Variants in SPOCK1 observed in about 807,000 individuals in gnomAD.
SPOCK1 encodes the protein testican-1.
Under a neutral mutation model 55.3 loss-of-function variants are expected in SPOCK1, and 23 were observed. The ratio of observed to expected loss-of-function variants is 0.42; its 90% CI spans 0.30 to 0.59. The LOEUF is 0.59. Ranked by LOEUF, SPOCK1 falls within the 20% of genes least tolerant of loss-of-function variation. The pLI is 0.22. For synonymous variants in SPOCK1, 226 were observed against 221.0 expected (o/e 1.02, Z -0.20); for missense variants, 499 against 552.5 (o/e 0.90, Z 0.97).
intron 2 of SPOCK1, among the ~76,000 whole-genome samples, chr5:137,421,526 G>T (rs1173489624): frequency 6.6e-6 from 1 of 152,168 alleles, no homozygotes; most frequent in African/African-American, 2.4e-5. Context: ...TCTTCTTGTT[G>T]AATTGATCCC....
intron 2 of SPOCK1, among the ~76,000 whole-genome samples, chr5:137,363,481 A>G (rs1750992910): frequency 6.6e-6 from 1 of 152,198 alleles, no homozygotes; most frequent in Non-Finnish European, 1.5e-5. Flanking sequence ...TTGATGGTTA[A>G]GGGCATAGAA....
At position 137,204,927 on chromosome 5, in the gene SPOCK1, G is replaced by A. The variant is rs151205000; in HGVS notation, c.232+62083C>T. Among the ~76,000 whole-genome samples the A allele has an allele frequency of 5.1e-3, 775 of 152,264 alleles. 2 individuals carry two copies. The highest frequency in any genetic ancestry group is 7.4e-3 in the Non-Finnish European group (506 of 68,024). Reference sequence around the variant, plus strand: ...CATGTGCAAGTTGTTTCGTCTGCATGAAAGGCCAACTCCACCACCCTTTGC... The same window carrying A: ...CATGTGCAAGTTGTTTCGTCTGCATAAAAGGCCAACTCCACCACCCTTTGC... On this transcript the variant is annotated intron_variant, in intron 3 of 10. Coordinates refer to ENST00000394945, the MANE Select transcript of SPOCK1 (RefSeq NM_004598.4).
At chr5:137,419,640 CA>C (rs1202473114) in intron 2 of SPOCK1, among the ~76,000 whole-genome samples, 1 of 152,160 alleles carries the variant, frequency 6.6e-6, no homozygotes, top group African/African-American at 2.4e-5. Context: ...GTGATTTTTG[CA>C]GACTGATTTT....
intron 3 of SPOCK1, among the ~76,000 whole-genome samples, chr5:137,232,391 G>A (rs182383708): frequency 4.6e-5 from 7 of 152,224 alleles, no homozygotes; most frequent in Admixed American, 2.0e-4. Context: ...GTCCAGATTC[G>A]TTTCTTTGCC....
intron 5 of SPOCK1, among the ~76,000 whole-genome samples, chr5:137,092,352 G>A (rs372540637): frequency 2.0e-5 from 3 of 152,346 alleles, no homozygotes; most frequent in South Asian, 2.1e-4. Context: ...CTGAGGAAGC[G>A]ACCGAGGGGC....
intron 2 of SPOCK1, among the ~76,000 whole-genome samples, chr5:137,343,415 G>C (rs966426126): frequency 1.3e-5 from 2 of 152,214 alleles, no homozygotes; most frequent in Admixed American, 1.3e-4. Context: ...CAGTGCCCTG[G>C]AGATGTCCAA....
intron 4 of SPOCK1, among the ~76,000 whole-genome samples, chr5:137,135,149 C>A (rs753220641): frequency 4.6e-5 from 7 of 152,234 alleles, no homozygotes; most frequent in Admixed American, 3.3e-4. Flanking sequence ...TCCATCCTGA[C>A]ATCCCTCCCT....
chr5:137,346,662 T>C (rs1047980040), intron 2 of SPOCK1, among the ~76,000 whole-genome samples: 8 of 152,140 alleles, frequency 5.3e-5, no homozygotes, highest in South Asian at 2.1e-4. Flanking sequence ...GGAAACATGG[T>C]TTTCCAGACA....
intron 5 of SPOCK1, among the ~76,000 whole-genome samples, chr5:137,069,935 C>T (rs988060802): frequency 6.6e-6 from 1 of 152,106 alleles, no homozygotes; most frequent in Non-Finnish European, 1.5e-5. Flanking sequence ...TGTGAGACTC[C>T]CCCTCTCCAA....
intron 3 of SPOCK1, among the ~76,000 whole-genome samples, chr5:137,179,743 A>T (rs2127063463): frequency 6.6e-6 from 1 of 152,318 alleles, no homozygotes; most frequent in East Asian, 1.9e-4. Context: ...ATGACTTGCC[A>T]GTCATGAGAC....
At chr5:137,046,131 CT>C (rs1561590029) in intron 6 of SPOCK1, among the ~76,000 whole-genome samples, 1 of 47,062 alleles carries the variant, frequency 2.1e-5, no homozygotes, top group Non-Finnish European at 4.4e-5. Context: ...GATGCGGGCT[CT>C]TTTTTGGTTC....
At chr5:137,444,755 C>T (rs540376599) in intron 2 of SPOCK1, among the ~76,000 whole-genome samples, 24 of 152,280 alleles carry the variant, frequency 1.6e-4, no homozygotes, top group African/African-American at 5.3e-4. Flanking sequence ...TGAGTGTGCA[C>T]GCAGGGCTAT....
intron 2 of SPOCK1, among the ~76,000 whole-genome samples, chr5:137,418,304 C>T (rs1752392154): frequency 2.0e-5 from 3 of 152,048 alleles, no homozygotes; most frequent in Admixed American, 2.0e-4. Flanking sequence ...ATTTATAATC[C>T]TTTGGGTATA....
At chr5:137,078,409 C>T (rs1289517821) in intron 5 of SPOCK1, among the ~76,000 whole-genome samples, 2 of 152,176 alleles carry the variant, frequency 1.3e-5, no homozygotes, top group Non-Finnish European at 2.9e-5. Flanking sequence ...GCAGTTTACT[C>T]CACAGACAGA....
intron 5 of SPOCK1, among the ~76,000 whole-genome samples, chr5:137,088,043 C>G (rs2881847): frequency 0.4 from 60,400 of 151,764 alleles, 12,872 homozygotes; most frequent in Non-Finnish European, 0.48. Context: ...TAGACAATAA[C>G]CCAGCTTGTC....
At chr5:137,338,396 A>C (rs1750335970) in intron 2 of SPOCK1, among the ~76,000 whole-genome samples, 1 of 151,708 alleles carries the variant, frequency 6.6e-6, no homozygotes, top group Non-Finnish European at 1.5e-5. Context: ...TATGTGCCAC[A>C]TTTTCTTAAT....
intron 3 of SPOCK1, among the ~76,000 whole-genome samples, chr5:137,246,491 T>C (rs774692025): frequency 6.6e-6 from 1 of 152,214 alleles, no homozygotes; most frequent in Non-Finnish European, 1.5e-5. Context: ...ACTTATTACA[T>C]TGGCTTTTCC....
At chr5:137,184,558 T>G (rs1293765453) in intron 3 of SPOCK1, among the ~76,000 whole-genome samples, 2 of 152,060 alleles carry the variant, frequency 1.3e-5, no homozygotes, top group Non-Finnish European at 2.9e-5. Context: ...TCTGCAGAGT[T>G]TCAAGTAAAA....
chr5:137,125,376 A>T (rs1398638136), intron 4 of SPOCK1, among the ~76,000 whole-genome samples: 1 of 152,212 alleles, frequency 6.6e-6, no homozygotes, highest in East Asian at 1.9e-4. Flanking sequence ...GCCAGTAGAG[A>T]AAGCAACAAC....
Sources: allele counts gnomAD v4.1 joint callset (sites outside exome capture counted in the v4.1 genomes callset), GRCh38; gene constraint gnomAD v4.1.1; transcripts MANE v1.5; gene names NCBI Gene and HGNC (gene_info 2026-07-23, HGNC 2026-07-21).